Variants in DYM observed in about 807,000 individuals in gnomAD.
DYM encodes the protein dymeclin.
DYM carries 78 observed loss-of-function variants against 93.1 expected under a neutral mutation model. The observed-to-expected ratio is 0.84, with a 90% CI of 0.70 to 1.01. The LOEUF (loss-of-function observed/expected upper bound fraction) is 1.01. Ranked by LOEUF, DYM falls within the 50% of genes least tolerant of loss-of-function variation. The pLI, the probability that DYM is intolerant of heterozygous loss-of-function variation, is 0.00. For synonymous variants in DYM, 321 were observed against 319.7 expected, an observed-to-expected ratio of 1.00 and a Z score of -0.04; for missense variants, 789 against 845.0, an observed-to-expected ratio of 0.93 and a Z score of 0.82.
At chr18:49,200,388 G>A (rs931420701) in intron 14 of DYM, among the ~76,000 whole-genome samples, 3 of 151,678 alleles carry the variant, frequency 2.0e-5, no homozygotes, top group Non-Finnish European at 2.9e-5. Flanking sequence ...TTTAATAGCA[G>A]TATATAATTT....
chr18:49,374,991 G>C (rs1207554645), intron 5 of DYM, among the ~76,000 whole-genome samples: 1 of 151,494 alleles, frequency 6.6e-6, no homozygotes, highest in Non-Finnish European at 1.5e-5. Context: ...ATCTTTTTTA[G>C]AGCAGAATCT....
intron 8 of DYM, among the ~76,000 whole-genome samples, chr18:49,300,584 G>A (rs982342378): frequency 4.6e-5 from 7 of 151,668 alleles, no homozygotes; most frequent in Non-Finnish European, 8.8e-5. Flanking sequence ...CTGGACAATA[G>A]AGCAAGACTC....
intron 13 of DYM, among the ~76,000 whole-genome samples, chr18:49,246,413 A>G (rs1337851984): frequency 6.6e-6 from 1 of 152,240 alleles, no homozygotes. Context: ...AAAATGCTTT[A>G]TTAAGTCACT....
intron 14 of DYM, among the ~76,000 whole-genome samples, chr18:49,209,102 C>G (rs970479300): frequency 1.3e-5 from 2 of 152,162 alleles, no homozygotes; most frequent in South Asian, 2.1e-4. Context: ...TTCTGCCTTC[C>G]TATAAAATCA....
At chr18:49,442,185 C>G (rs1447004446) in intron 1 of DYM, among the ~76,000 whole-genome samples, 1 of 152,130 alleles carries the variant, frequency 6.6e-6, no homozygotes, top group African/African-American at 2.4e-5. Context: ...GTAGTCTCAA[C>G]TTTAAATAAG....
At chr18:49,081,429 G>A (rs554091854) in intron 17 of DYM, among the ~76,000 whole-genome samples, 1 of 152,184 alleles carries the variant, frequency 6.6e-6, no homozygotes, top group Non-Finnish European at 1.5e-5. Flanking sequence ...AGGCAGGGAG[G>A]TCGCCGTGAG....
intron 14 of DYM, among the ~76,000 whole-genome samples, chr18:49,206,745 CT>C (rs1283704521): frequency 2.0e-5 from 3 of 152,260 alleles, no homozygotes; most frequent in Admixed American, 2.0e-4. Flanking sequence ...CACTGTATTT[CT>C]TCTCTGTTGT....
At chr18:49,200,744 GACAAAAATTATATATAT>G (rs957889486) in intron 14 of DYM, among the ~76,000 whole-genome samples, 1 of 151,690 alleles carries the variant, frequency 6.6e-6, no homozygotes, top group Admixed American at 6.6e-5. Context: ...TTTTTTAATT[GACAAAAATTATATATAT>G]TTATGATGTA....
chr18:49,112,327 T>C (rs2081497693), intron 16 of DYM, among the ~76,000 whole-genome samples: 1 of 152,188 alleles, frequency 6.6e-6, no homozygotes, highest in Non-Finnish European at 1.5e-5. Context: ...TTGGGTCTCC[T>C]GGGTGTTCTG....
intron 17 of DYM, among the ~76,000 whole-genome samples, chr18:49,046,569 A>G (rs932031014): frequency 2.0e-5 from 3 of 152,106 alleles, no homozygotes; most frequent in African/African-American, 4.8e-5. Flanking sequence ...ACACACAGTA[A>G]CAAGAATTTT....
intron 2 of DYM, among the ~76,000 whole-genome samples, chr18:49,401,538 G>T (rs2148046437): frequency 6.6e-6 from 1 of 152,238 alleles, no homozygotes; most frequent in East Asian, 1.9e-4. Context: ...TCATTTCTTT[G>T]TGTCAGTTTT....
intron 8 of DYM, among the ~76,000 whole-genome samples, chr18:49,292,838 T>C (rs1395407854): frequency 1.1e-4 from 16 of 151,974 alleles, no homozygotes; most frequent in Admixed American, 1.1e-3. Context: ...GTCTTATTAT[T>C]ATTATACTTT....
At chr18:49,213,432 C>T (rs2092885160) in intron 13 of DYM, among the ~76,000 whole-genome samples, 1 of 151,990 alleles carries the variant, frequency 6.6e-6, no homozygotes, top group South Asian at 2.1e-4. Context: ...TCTCCTGTCT[C>T]AGCCTCCTGA....
intron 1 of DYM, among the ~76,000 whole-genome samples, chr18:49,442,807 C>T (rs1341680962): frequency 4.6e-5 from 7 of 151,784 alleles, no homozygotes; most frequent in Non-Finnish European, 1.0e-4. Flanking sequence ...CATAAATTGG[C>T]AAATTACAGC....
intron 13 of DYM, among the ~76,000 whole-genome samples, chr18:49,216,164 G>C (rs899224492): frequency 1.3e-5 from 2 of 152,216 alleles, no homozygotes; most frequent in African/African-American, 2.4e-5. Context: ...ACAGCAGTCT[G>C]AGATCAAACT....
intron 10 of DYM, among the ~76,000 whole-genome samples, chr18:49,279,925 T>TC (rs1231242582): frequency 6.6e-6 from 1 of 152,236 alleles, no homozygotes; most frequent in Non-Finnish European, 1.5e-5. Flanking sequence ...ATTCCATGTT[T>TC]CTTCACTATT....
At chr18:49,202,872 C>A (rs1437813367) in intron 14 of DYM, among the ~76,000 whole-genome samples, 1 of 109,562 alleles carries the variant, frequency 9.1e-6, no homozygotes, top group Non-Finnish European at 2.0e-5. Flanking sequence ...AGCGTCTCCG[C>A]CCGGCAGCCA....
intron 13 of DYM, among the ~76,000 whole-genome samples, chr18:49,252,739 G>C (rs1682423220): frequency 6.6e-6 from 1 of 152,234 alleles, no homozygotes; most frequent in Admixed American, 6.5e-5. Flanking sequence ...GGAGAAGCCA[G>C]AGGAAACAGC....
chr18:49,302,831 T>C (rs1434155126), intron 8 of DYM, among the ~76,000 whole-genome samples: 2 of 152,194 alleles, frequency 1.3e-5, no homozygotes, highest in Non-Finnish European at 2.9e-5. Flanking sequence ...CTAAAACTGA[T>C]GCTCTCAACC....
Sources: allele counts gnomAD v4.1 joint callset (sites outside exome capture counted in the v4.1 genomes callset), GRCh38; gene constraint gnomAD v4.1.1; transcripts MANE v1.5; gene names NCBI Gene and HGNC (gene_info 2026-07-23, HGNC 2026-07-21).